Variants in TAF4B observed in about 807,000 individuals in gnomAD.
TAF4B encodes transcription initiation factor TFIID subunit 4B.
In TAF4B, 38 loss-of-function variants were observed where a neutral mutation model predicts 86.4. The observed-to-expected ratio is 0.44, with a 90% CI of 0.34 to 0.58. TAF4B has a LOEUF of 0.58. TAF4B is among the 20% of genes least tolerant of loss of function. The pLI, the probability that TAF4B is intolerant of heterozygous loss-of-function variation, is 0.02. For synonymous variants in TAF4B, 388 were observed against 391.2 expected, an observed-to-expected ratio of 0.99 and a Z score of 0.10; for missense variants, 988 against 1,027.6, an observed-to-expected ratio of 0.96 and a Z score of 0.53.
chr18:26,335,726 T>C (rs2057085273), intron 13 of TAF4B, among the ~76,000 whole-genome samples: 1 of 152,222 alleles, frequency 6.6e-6, no homozygotes, highest in Non-Finnish European at 1.5e-5. Flanking sequence ...ACACAGTTCA[T>C]GTTTAGCTGC....
chr18:26,295,685 C>G (rs562763562), intron 9 of TAF4B, among the ~76,000 whole-genome samples: 2 of 152,314 alleles, frequency 1.3e-5, no homozygotes, highest in South Asian at 2.1e-4. Context: ...TATGTTAAAA[C>G]TATTTTTCAG....
chr18:26,289,238 TC>T (rs2056563374), intron 7 of TAF4B, among the ~76,000 whole-genome samples: 4 of 152,178 alleles, frequency 2.6e-5, no homozygotes, highest in Admixed American at 2.6e-4. Flanking sequence ...TCCAATTTAA[TC>T]CTAGTTCTAA....
chr18:26,267,218 A>G (rs2056252231), intron 2 of TAF4B: 2 of 208,536 alleles, frequency 9.6e-6, no homozygotes, highest in Non-Finnish European at 1.9e-5. Flanking sequence ...TGTATGAACC[A>G]AAGAGTCAAG....
chr18:26,327,689 A>T (rs1469402436), intron 12 of TAF4B, among the ~76,000 whole-genome samples: 2 of 151,884 alleles, frequency 1.3e-5, no homozygotes, highest in African/African-American at 2.4e-5. Flanking sequence ...TCTGCCTCAG[A>T]CTCCTGAGTA....
chr18:26,383,741 A>G (rs207476693), intron 14 of TAF4B, among the ~76,000 whole-genome samples: 1 of 152,216 alleles, frequency 6.6e-6, no homozygotes, highest in African/African-American at 2.4e-5. Context: ...CTATTGAAAC[A>G]TAGACATTTA....
intron 1 of TAF4B, among the ~76,000 whole-genome samples, chr18:26,235,674 C>T (rs536016759): frequency 6.6e-6 from 1 of 152,232 alleles, no homozygotes; most frequent in East Asian, 1.9e-4. Context: ...GATGTGTGGT[C>T]TGTGGGATCC....
At position 26,267,574 on chromosome 18, in the gene TAF4B, A is replaced by T. The variant is rs989938367; in HGVS notation, c.548A>T (p.Gln183Leu). The change falls in exon 3 of 15, where the codon CAA becomes CTA. Residue 183 changes from glutamine to leucine, a missense_variant. Gln to Leu is a moderately radical substitution (Grantham distance 113). This residue lies in a region of TAF4B where 747 missense variants were observed against 737.9 expected (regional missense o/e 1.01). Coordinates refer to ENST00000269142, the MANE Select transcript of TAF4B (RefSeq NM_005640.3). ...VAVTPVKKLAQIGTTVVTTVP... is the reference protein window; with the variant it reads ...VAVTPVKKLALIGTTVVTTVP... Reference sequence around the variant, plus strand: ...GTGACACCTGTTAAAAAATTGGCACAAATAGGAACTACTGTGGTAACCACT... The same window carrying T: ...GTGACACCTGTTAAAAAATTGGCACTAATAGGAACTACTGTGGTAACCACT... 1 of 1,614,060 alleles carries T rather than the reference A, an allele frequency of 6.2e-7. No individual in the cohort carries two copies. The highest frequency in any genetic ancestry group is 1.3e-5 in the African/African-American group (1 of 74,938).
chr18:26,329,215 G>A (rs1273022621), intron 12 of TAF4B, among the ~76,000 whole-genome samples: 1 of 151,844 alleles, frequency 6.6e-6, no homozygotes, highest in African/African-American at 2.4e-5. Flanking sequence ...ACACCACTAC[G>A]CCTGGCTAAA....
intron 1 of TAF4B, among the ~76,000 whole-genome samples, chr18:26,238,584 T>A (rs1354921924): frequency 6.6e-6 from 1 of 152,066 alleles, no homozygotes; most frequent in Non-Finnish European, 1.5e-5. Context: ...GAACTAATAT[T>A]TATACCTTTT....
At chr18:26,230,043 A>G (rs1469794049) in intron 1 of TAF4B, among the ~76,000 whole-genome samples, 1 of 152,134 alleles carries the variant, frequency 6.6e-6, no homozygotes, top group African/African-American at 2.4e-5. Flanking sequence ...AGGAGCTTGA[A>G]ATAAAAAGAA....
At chr18:26,282,090 A>G (rs1199128110) in intron 6 of TAF4B, 30 bp downstream of exon 6, 1 of 1,516,942 alleles carries the variant, frequency 6.6e-7, no homozygotes, top group South Asian at 1.2e-5. Flanking sequence ...AGAAGAAATA[A>G]TTTGGATTAG....
chr18:26,315,859 C>A (rs2056905713), intron 10 of TAF4B, among the ~76,000 whole-genome samples: 1 of 152,078 alleles, frequency 6.6e-6, no homozygotes, highest in Non-Finnish European at 1.5e-5. Context: ...TCTTAGGGTC[C>A]TCTCTAGGCC....
At chr18:26,381,619 C>T (rs371796801) in intron 14 of TAF4B, among the ~76,000 whole-genome samples, 72 of 151,894 alleles carry the variant, frequency 4.7e-4, no homozygotes, top group Admixed American at 1.4e-3. Context: ...CCCAGCTACT[C>T]GAGAGGCTGA....
chr18:26,318,604 C>T (rs1385631455), intron 10 of TAF4B, among the ~76,000 whole-genome samples: 7 of 151,942 alleles, frequency 4.6e-5, no homozygotes, highest in South Asian at 2.1e-4. Context: ...TTAAATTGCA[C>T]GTTCAGTAAA....
At chr18:26,331,318 C>T (rs2057048817) in intron 12 of TAF4B, among the ~76,000 whole-genome samples, 1 of 152,158 alleles carries the variant, frequency 6.6e-6, no homozygotes, top group Non-Finnish European at 1.5e-5. Context: ...TATACTTGCT[C>T]TTTATCTCCT....
chr18:26,363,730 C>T (rs1249933153), intron 14 of TAF4B, among the ~76,000 whole-genome samples: 1 of 152,184 alleles, frequency 6.6e-6, no homozygotes, highest in African/African-American at 2.4e-5. Context: ...ATTCTGTACT[C>T]TGGAAACAAA....
intron 11 of TAF4B, 89 bp from the exon 12 acceptor site, chr18:26,326,926 T>C: frequency 7.3e-7 from 1 of 1,377,692 alleles, no homozygotes; most frequent in Non-Finnish European, 9.6e-7. Context: ...ATGTTGGTAT[T>C]CCTGCCTTTA....
intron 3 of TAF4B, among the ~76,000 whole-genome samples, chr18:26,268,395 G>A (rs940015415): frequency 2.0e-5 from 3 of 152,118 alleles, no homozygotes; most frequent in African/African-American, 4.8e-5. Flanking sequence ...CTGGTTTCTG[G>A]TGGCACCTGA....
chr18:26,256,874 C>T (rs766764397), intron 1 of TAF4B, among the ~76,000 whole-genome samples: 9 of 150,360 alleles, frequency 6.0e-5, no homozygotes, highest in Non-Finnish European at 8.8e-5. Context: ...TAGGTGGAGA[C>T]CATACATTGT....
Sources: allele counts gnomAD v4.1 joint callset (sites outside exome capture counted in the v4.1 genomes callset), GRCh38; gene constraint gnomAD v4.1.1; regional missense constraint gnomAD v4.1.1; transcripts MANE v1.5; gene names NCBI Gene and HGNC (gene_info 2026-07-23, HGNC 2026-07-21).